Variants in SOX6 observed in about 807,000 individuals in gnomAD.
SOX6 encodes transcription factor SOX-6.
In SOX6, 11 loss-of-function variants were observed where a neutral mutation model predicts 97.8. The ratio of observed to expected loss-of-function variants is 0.11; its 90% CI spans 0.07 to 0.19. The LOEUF is 0.19. Ranked by LOEUF, SOX6 falls within the 10% of genes least tolerant of loss-of-function variation. SOX6 has a pLI of 1.00. For synonymous variants in SOX6, 360 were observed against 371.4 expected, an observed-to-expected ratio of 0.97 and a Z score of 0.35; for missense variants, 810 against 1,039.5, an observed-to-expected ratio of 0.78 and a Z score of 3.04.
intron 3 of SOX6, among the ~76,000 whole-genome samples, chr11:16,269,562 A>G (rs930755153): frequency 8.6e-5 from 13 of 150,854 alleles, no homozygotes; most frequent in Non-Finnish European, 4.5e-5. Context: ...GAGTTGCCCT[A>G]TCCACCAAAA....
chr11:16,525,408 C>G (rs573704636), intron 4 of SOX6, among the ~76,000 whole-genome samples: 2 of 151,834 alleles, frequency 1.3e-5, no homozygotes, highest in African/African-American at 4.8e-5. Flanking sequence ...ATAAATGGTG[C>G]TGGGAAAACT....
chr11:16,676,885 G>GT (rs1228948736), intron 3 of SOX6, among the ~76,000 whole-genome samples: 1,841 of 145,268 alleles, frequency 0.013, 33 homozygotes, highest in African/African-American at 0.041. Context: ...TCTTTCTCAG[G>GT]TTTTTTTTTT....
At chr11:16,583,920 T>C (rs908414764) in intron 4 of SOX6, among the ~76,000 whole-genome samples, 14 of 152,032 alleles carry the variant, frequency 9.2e-5, no homozygotes, top group Non-Finnish European at 1.8e-4. Context: ...CTCATCAGCA[T>C]TTTTTTGTCT....
chr11:16,125,152 T>C (rs1849578235), intron 6 of SOX6, among the ~76,000 whole-genome samples: 3 of 152,090 alleles, frequency 2.0e-5, no homozygotes, highest in Admixed American at 1.3e-4. Flanking sequence ...TTTCAAATAC[T>C]TGTACTCATT....
intron 3 of SOX6, among the ~76,000 whole-genome samples, chr11:16,672,701 G>T (rs1024542166): frequency 3.9e-5 from 6 of 152,282 alleles, no homozygotes; most frequent in African/African-American, 1.4e-4. Context: ...TACAATTCAA[G>T]ATGAGATTTG....
intron 3 of SOX6, among the ~76,000 whole-genome samples, chr11:16,654,386 G>T (rs1158703016): frequency 2.0e-5 from 3 of 152,080 alleles, no homozygotes; most frequent in Non-Finnish European, 2.9e-5. Context: ...TGCCCAGGCT[G>T]GTCTCAAACT....
At position 16,002,171 on chromosome 11, in the gene SOX6, G is replaced by A. The variant is rs191550920; in HGVS notation, c.1732+12771C>T. On this transcript the variant is annotated intron_variant, in intron 13 of 15. Transcript: ENST00000683767. ...TAAACAAACACACGACCGGAGTGGC[G>A]CAGGAGTTATAAAGTGCCATATGTG... Among the ~76,000 whole-genome samples, 413 of 152,282 alleles carry A rather than the reference G, an allele frequency of 2.7e-3. 1 individual carries two copies. The highest frequency in any genetic ancestry group is 8.1e-3 in the African/African-American group (338 of 41,556).
intron 1 of SOX6, among the ~76,000 whole-genome samples, chr11:16,372,136 G>A (rs1251152991): frequency 1.3e-5 from 2 of 151,886 alleles, no homozygotes; most frequent in Non-Finnish European, 2.9e-5. Flanking sequence ...GAACATATTA[G>A]TTCAATAAAT....
chr11:16,714,538 G>A (rs943315148), intron 3 of SOX6, among the ~76,000 whole-genome samples: 3 of 138,758 alleles, frequency 2.2e-5, no homozygotes, highest in Admixed American at 7.8e-5. Flanking sequence ...TGCAACCTCC[G>A]CCTCCCGGGT....
chr11:16,563,319 C>T (rs879929407), intron 4 of SOX6, among the ~76,000 whole-genome samples: 4 of 152,078 alleles, frequency 2.6e-5, no homozygotes, highest in Non-Finnish European at 4.4e-5. Flanking sequence ...TTGGTGCATG[C>T]GTTTAGTTCT....
chr11:16,120,530 T>C (rs79932899), intron 6 of SOX6, among the ~76,000 whole-genome samples: 8,062 of 150,174 alleles, frequency 0.054, 570 homozygotes, highest in East Asian at 0.36. Flanking sequence ...TCATATGTTT[T>C]AGTTAAAACA....
At chr11:16,470,474 A>C (rs1860121444) in intron 1 of SOX6, among the ~76,000 whole-genome samples, 1 of 152,130 alleles carries the variant, frequency 6.6e-6, no homozygotes, top group Non-Finnish European at 1.5e-5. Flanking sequence ...TAATTCAAAA[A>C]ATTTCAGCTG....
chr11:16,470,853 T>C (rs1296811866), intron 1 of SOX6, among the ~76,000 whole-genome samples: 1 of 152,160 alleles, frequency 6.6e-6, no homozygotes, highest in Admixed American at 6.5e-5. Context: ...CAGAATCAAG[T>C]GTTATACTAT....
At chr11:16,257,100 G>T (rs1222733833) in intron 3 of SOX6, among the ~76,000 whole-genome samples, 1 of 151,862 alleles carries the variant, frequency 6.6e-6, no homozygotes. Flanking sequence ...TTTATGGATT[G>T]AAAGACTCAA....
At chr11:16,031,076 C>A (rs1431602743) in intron 12 of SOX6, among the ~76,000 whole-genome samples, 1 of 152,132 alleles carries the variant, frequency 6.6e-6, no homozygotes. Context: ...AAGGCACAAT[C>A]ATCCTAATTT....
At chr11:16,303,240 T>C (rs1855320173) in intron 3 of SOX6, among the ~76,000 whole-genome samples, 1 of 152,166 alleles carries the variant, frequency 6.6e-6, no homozygotes, top group South Asian at 2.1e-4. Flanking sequence ...CTCTGAAAAC[T>C]TTTATAATAA....
At chr11:16,591,022 A>G (rs1441292831) in intron 4 of SOX6, among the ~76,000 whole-genome samples, 3 of 152,128 alleles carry the variant, frequency 2.0e-5, no homozygotes, top group Non-Finnish European at 4.4e-5. Flanking sequence ...TTATTATGCA[A>G]TGTATGCCTG....
At chr11:16,305,387 T>C (rs1223053221) in intron 3 of SOX6, among the ~76,000 whole-genome samples, 1 of 152,134 alleles carries the variant, frequency 6.6e-6, no homozygotes, top group Non-Finnish European at 1.5e-5. Flanking sequence ...ATAAGAACAG[T>C]TAAAACAAAA....
Position 16,391,441 on chromosome 11 carries a change from C to T in SOX6, c.-4-50189G>A, listed in dbSNP as rs185272278. Among the ~76,000 whole-genome samples, 107 of 152,270 alleles carry T rather than the reference C, an allele frequency of 7.0e-4. No homozygotes were observed. The Middle Eastern group carries it at 0.024, about 34-fold the overall frequency. ...TTCATTAGTTTATGTGTCTGTCTTG[C>T]TGACAAATTTGTAAGATTCTTGCAA... is the stretch of plus-strand genomic sequence containing the variant. On this transcript the variant is annotated intron_variant, in intron 1 of 15. Coordinates refer to the SOX6 transcript ENST00000396356.
Sources: allele counts gnomAD v4.1 joint callset (sites outside exome capture counted in the v4.1 genomes callset), GRCh38; gene constraint gnomAD v4.1.1; transcripts MANE v1.5; gene names NCBI Gene and HGNC (gene_info 2026-07-23, HGNC 2026-07-21).